The following GRIA3 variants were observed in gnomAD, a reference collection of about 807,000 sequenced individuals.
The protein encoded by GRIA3 is glutamate ionotropic receptor AMPA type subunit 3.
In GRIA3, 3 loss-of-function variants were observed where a neutral mutation model predicts 63.0. The ratio of observed to expected loss-of-function variants is 0.05; its 90% CI spans 0.02 to 0.12. GRIA3 has a LOEUF of 0.12. Among genes scored for constraint, GRIA3 ranks in the 10% least tolerant of loss-of-function variants. GRIA3 has a pLI of 1.00. For synonymous variants in GRIA3, 274 were observed against 257.9 expected (o/e 1.06, Z -0.60); for missense variants, 347 against 700.9 (o/e 0.50, Z 5.70).
rs186554733 is a variant in GRIA3 at position 123,320,366 on chromosome X, A to T, written c.509-5660A>T. ...TTCCAAACTCATTCATGTTAAGGTC[A>T]CTGCTAAAATGTACGTGTGTTCGCT... On this transcript the variant is annotated intron_variant, in intron 3 of 15. Transcript: ENST00000620443. Among the ~76,000 whole-genome samples the T allele has an allele frequency of 9.2e-4, 104 of 112,460 alleles. 1 individual carries two copies. The Middle Eastern group carries it at 0.028, about 30-fold the overall frequency.
At chrX:123,202,584 G>A (rs1927771535) in intron 2 of GRIA3, 9 of 1,136,237 alleles carry the variant, frequency 7.9e-6, no homozygotes, top group Admixed American at 5.2e-5. Flanking sequence ...CCCTTCCGCT[G>A]AAGGAGACCT....
chrX:123,421,319 A>G (rs1025694882), intron 11 of GRIA3, among the ~76,000 whole-genome samples: 1 of 111,974 alleles, frequency 8.9e-6, no homozygotes, highest in Non-Finnish European at 1.9e-5. Context: ...TGAAGAGGAA[A>G]CATGTTTCTC....
intron 3 of GRIA3, among the ~76,000 whole-genome samples, chrX:123,313,096 G>A (rs747280280): frequency 4.5e-5 from 5 of 111,210 alleles, no homozygotes; most frequent in Non-Finnish European, 7.5e-5. Context: ...CCTATAACCC[G>A]CCTCCATAAT....
At chrX:123,340,990 A>G (rs188567834) in intron 4 of GRIA3, among the ~76,000 whole-genome samples, 91 of 112,426 alleles carry the variant, frequency 8.1e-4, no homozygotes, top group African/African-American at 2.9e-3. Flanking sequence ...CACAGACCTT[A>G]GATAGCAATG....
chrX:123,478,433 A>C (rs1219489519), intron 13 of GRIA3, among the ~76,000 whole-genome samples: 1 of 112,214 alleles, frequency 8.9e-6, no homozygotes. Context: ...GTGAGATACA[A>C]AATCCAAATA....
chrX:123,458,221 C>A (rs748500997), intron 12 of GRIA3, among the ~76,000 whole-genome samples: 1 of 109,325 alleles, frequency 9.1e-6, no homozygotes, highest in South Asian at 4.3e-4. Context: ...CATCATGCTA[C>A]ACACCCGTGG....
chrX:123,440,854 A>G (rs1343098858), intron 12 of GRIA3, among the ~76,000 whole-genome samples: 11 of 112,106 alleles, frequency 9.8e-5, no homozygotes, highest in Non-Finnish European at 1.9e-4. Context: ...TTGTCACAAA[A>G]TCTTTGCCTG....
At chrX:123,398,542 C>T (rs1780090611) in intron 6 of GRIA3, 94 bp from the exon 7 acceptor site, 2 of 702,649 alleles carry the variant, frequency 2.8e-6, no homozygotes, top group African/African-American at 2.1e-5. Context: ...CTGCATAGAA[C>T]AATAGGTAGA....
At chrX:123,451,093 G>C (rs1302571539) in intron 12 of GRIA3, among the ~76,000 whole-genome samples, 2 of 111,752 alleles carry the variant, frequency 1.8e-5, no homozygotes, top group East Asian at 5.6e-4. Context: ...TTGACAGAAA[G>C]TCACTTAGCC....
Position 123,202,858 on chromosome X carries a change from C to T in GRIA3, c.268+16868C>T, listed in dbSNP as rs150675965. ...TCTTGTTCACCAATTCCTGTTATGC[C>T]GCAAAGAAGATCTCCCCACTCTGGA... is the stretch of plus-strand genomic sequence containing the variant. On this transcript the variant is annotated intron_variant, in intron 2 of 15. Transcript: ENST00000620443. 509 of 966,334 alleles carry T rather than the reference C, an allele frequency of 5.3e-4. 1 individual carries two copies. The African/African-American group carries it at 7.2e-3, about 14-fold the overall frequency. The allele number at this position is 966,334 out of a possible 1,213,427, so 79.6% of individuals were successfully genotyped here. A position where few individuals can be genotyped will look rare whatever the true frequency, so the allele number is the denominator to read the frequency against.
rs2045959845 is a variant in GRIA3, at chrX:123,489,784, G to A, written c.*1074G>A. On this transcript the variant is annotated 3_prime_UTR_variant, in exon 16 of 16. Coordinates refer to ENST00000620443, the MANE Select transcript of GRIA3 (RefSeq NM_007325.5). ...GTTGCAAGGCGGGACAGCAGGTTCA[G>A]ACCACAGTTCTCAGTCTGACTTTAC... The A allele has an allele frequency of 8.9e-6, 1 of 112,372 alleles. No individual in the cohort carries two copies. The highest frequency in any genetic ancestry group is 3.2e-5 in the African/African-American group (1 of 30,824). The allele number at this position is 112,372 out of a possible 1,213,427, so 9.3% of individuals were successfully genotyped here.
intron 5 of GRIA3, among the ~76,000 whole-genome samples, chrX:123,369,119 C>T (rs1000915026): frequency 6.3e-5 from 7 of 111,685 alleles, no homozygotes; most frequent in African/African-American, 1.3e-4. Flanking sequence ...TCCCCTTTTA[C>T]TTACTGTATG....
At chrX:123,246,002 G>A in intron 2 of GRIA3, among the ~76,000 whole-genome samples, 1 of 111,289 alleles carries the variant, frequency 9.0e-6, no homozygotes, top group Non-Finnish European at 1.9e-5. Flanking sequence ...AGCTGTCAGA[G>A]CTGCCCTCCA....
rs369193814 is a variant in GRIA3, at chrX:123,427,909, G to A, written c.1878-32G>A. ...TCTTAAACTTAGATCTGGCCCCTCT[G>A]GGTCTGGATTTGTTTTTGTTTTGTT... On this transcript the variant is annotated intron_variant, in intron 11 of 15. Transcript: ENST00000620443. 9.6e-6 allele frequency: 10 copies of A among 1,046,628 alleles called. No individual in the cohort carries two copies. The highest frequency in any genetic ancestry group is 1.3e-5 in the Non-Finnish European group (10 of 747,160). 86.3% of individuals were successfully genotyped at this position (1,046,628 alleles called of 1,213,427 possible). A position where few individuals can be genotyped will look rare whatever the true frequency, so the allele number is the denominator to read the frequency against.
chrX:123,330,828 A>G (rs1406221956), intron 4 of GRIA3, among the ~76,000 whole-genome samples: 1 of 112,103 alleles, frequency 8.9e-6, no homozygotes, highest in African/African-American at 3.2e-5. Flanking sequence ...ATGAAGGTGA[A>G]GCCATACTGA....
intron 5 of GRIA3, among the ~76,000 whole-genome samples, chrX:123,375,121 G>T (rs1235750325): frequency 9.0e-6 from 1 of 111,528 alleles, no homozygotes; most frequent in Non-Finnish European, 1.9e-5. Context: ...TCTATACCCA[G>T]TTTTTTTAGG....
At chrX:123,291,550 A>C (rs935184940) in intron 3 of GRIA3, among the ~76,000 whole-genome samples, 2 of 111,259 alleles carry the variant, frequency 1.8e-5, no homozygotes, top group Non-Finnish European at 3.8e-5. Context: ...CCTGAATCTC[A>C]AATAAAAGTT....
At chrX:123,414,360 C>A (rs1351735352) in intron 10 of GRIA3, among the ~76,000 whole-genome samples, 1 of 112,518 alleles carries the variant, frequency 8.9e-6, no homozygotes, top group Non-Finnish European at 1.9e-5. Context: ...CACGCCTCCA[C>A]AATTTCTCAT....
intron 12 of GRIA3, among the ~76,000 whole-genome samples, chrX:123,439,865 T>C (rs1474045139): frequency 2.7e-5 from 3 of 111,099 alleles, no homozygotes; most frequent in Admixed American, 9.6e-5. Context: ...TCAAAGGGGT[T>C]TGTTGTATAG....
Sources: allele counts gnomAD v4.1 joint callset (sites outside exome capture counted in the v4.1 genomes callset), GRCh38; gene constraint gnomAD v4.1.1; transcripts MANE v1.5; gene names NCBI Gene and HGNC (gene_info 2026-07-23, HGNC 2026-07-21).